Variants in SATL1 observed in about 807,000 individuals in gnomAD.
SATL1 encodes the protein spermidine/spermine N(1)-acetyltransferase-like protein 1.
SATL1 carries 47 observed loss-of-function variants against 51.8 expected under a neutral mutation model. That is an observed-to-expected ratio of 0.91 (90% CI 0.72 to 1.16). SATL1 has a LOEUF of 1.16. Among genes scored for constraint, SATL1 ranks in the 50% most tolerant of loss-of-function variants. The probability of loss-of-function intolerance (pLI) is 0.00; values close to 1 mark genes in which losing one functional copy is unlikely to be tolerated. For missense variants in SATL1, 520 were observed against 526.4 expected (o/e 0.99, Z 0.12); for synonymous variants, 176 against 182.4 (o/e 0.97, Z 0.28).
chrX:85,233,566 T>C (rs780354335), intron 1 of SATL1, among the ~76,000 whole-genome samples: 33 of 111,748 alleles, frequency 3.0e-4, no homozygotes, highest in Non-Finnish European at 5.6e-4. Context: ...TGGAATCCTA[T>C]CAGATAAATT....
At chrX:85,130,525 A>G (rs55905688) in intron 2 of SATL1, among the ~76,000 whole-genome samples, 11,975 of 107,260 alleles carry the variant, frequency 0.11, 557 homozygotes, top group South Asian at 0.22. Context: ...CATCTATTTG[A>G]TTCTTCTCCC....
intron 2 of SATL1, among the ~76,000 whole-genome samples, chrX:85,151,433 C>T (rs1166305712): frequency 1.8e-5 from 2 of 111,575 alleles, no homozygotes; most frequent in African/African-American, 6.5e-5. Flanking sequence ...ATCAACCTAC[C>T]AATGACTTTC....
At chrX:85,203,338 T>C (rs1273140871) in intron 2 of SATL1, among the ~76,000 whole-genome samples, 1 of 111,007 alleles carries the variant, frequency 9.0e-6, no homozygotes, top group Non-Finnish European at 1.9e-5. Context: ...CACGTTTTGG[T>C]AGAGCAGCCA....
At position 85,108,040 on chromosome X, in the gene SATL1, T is replaced by A. The variant is rs201802602; in HGVS notation, c.929A>T (p.Asp310Val). 184 of 1,208,626 alleles carry A rather than the reference T, an allele frequency of 1.5e-4. No individual in the cohort carries two copies. The highest frequency in any genetic ancestry group is 4.8e-4 in the Admixed American group (22 of 45,621). Residue 310 changes from aspartate to valine, a missense_variant, in exon 3 of 8, where the codon GAC (aspartate) becomes GTC (valine). Transcript: ENST00000644105. Reference sequence around the variant, plus strand: ...TTGTTTCATGCCAGGTTGGTTTATGTCTGGTAGGTTTGTACCTGATTGCCT... The same window carrying A: ...TTGTTTCATGCCAGGTTGGTTTATGACTGGTAGGTTTGTACCTGATTGCCT... ...GMRQSGTNLP[D>V]INQPGMKQPG... is the part of the protein sequence containing the mutation.
intron 2 of SATL1, among the ~76,000 whole-genome samples, chrX:85,155,757 G>A (rs1427153364): frequency 1.8e-5 from 2 of 111,300 alleles, no homozygotes; most frequent in East Asian, 5.7e-4. Context: ...TCAATTCCCT[G>A]CCCCATAAAT....
chrX:85,189,448 G>A (rs1342999876), intron 2 of SATL1, among the ~76,000 whole-genome samples: 2 of 112,055 alleles, frequency 1.8e-5, no homozygotes, highest in Admixed American at 9.5e-5. Flanking sequence ...TTGTAAAGTG[G>A]TGAATTCTGG....
Position 85,103,921 on chromosome X carries a change from A to G in SATL1, c.1642-6T>C. The stretch of plus-strand genomic sequence containing the variant: ...TTTTCACAGGCAGCCAATTCCTGTC[A>G]AAGTAGATAAAACCTTCAGTTTATG... On this transcript the variant is annotated splice_region_variant and splice_polypyrimidine_tract_variant and intron_variant, in intron 3 of 7. Coordinates refer to ENST00000644105, the MANE Select transcript of SATL1 (RefSeq NM_001367857.2). 1.7e-6 allele frequency: 2 copies of G among 1,151,149 alleles called. No homozygotes were observed. The highest frequency in any genetic ancestry group is 2.4e-6 in the Non-Finnish European group (2 of 842,264). 94.9% of individuals were successfully genotyped at this position (1,151,149 alleles called of 1,213,427 possible). A position where few individuals can be genotyped will look rare whatever the true frequency, so the allele number is the denominator to read the frequency against.
At chrX:85,230,576 C>T (rs1351805761) in intron 1 of SATL1, among the ~76,000 whole-genome samples, 1 of 111,869 alleles carries the variant, frequency 8.9e-6, no homozygotes, top group Non-Finnish European at 1.9e-5. Context: ...GGGACTACAT[C>T]AAACTAAAAA....
intron 2 of SATL1, among the ~76,000 whole-genome samples, chrX:85,140,378 A>G (rs1386626414): frequency 4.5e-5 from 5 of 112,035 alleles, no homozygotes; most frequent in Non-Finnish European, 9.4e-5. Context: ...GGGTGGTATT[A>G]TATTTTAATT....
chrX:85,228,613 A>G (rs773942127), intron 1 of SATL1, among the ~76,000 whole-genome samples: 1 of 111,201 alleles, frequency 9.0e-6, no homozygotes, highest in East Asian at 2.8e-4. Flanking sequence ...AAGGTCACCA[A>G]TGACCTCAAT....
chrX:85,143,800 G>A (rs1569235643), intron 2 of SATL1, among the ~76,000 whole-genome samples: 1 of 111,179 alleles, frequency 9.0e-6, no homozygotes, highest in Non-Finnish European at 1.9e-5. Flanking sequence ...TTTTACTTGT[G>A]TCAATATTAG....
chrX:85,226,842 G>T (rs191862271), intron 1 of SATL1, among the ~76,000 whole-genome samples: 1 of 110,435 alleles, frequency 9.1e-6, no homozygotes, highest in East Asian at 2.9e-4. Context: ...ACTCCTTTTA[G>T]CACCCTGGCT....
rs184047867 is a variant in SATL1, at chrX:85,174,531, C to T, written c.-313+49674G>A. Among the ~76,000 whole-genome samples the T allele has an allele frequency of 4.2e-4, 46 of 110,605 alleles. No individual in the cohort carries two copies. In the East Asian group the frequency reaches 0.011, roughly 28 times the overall value. On this transcript the variant is annotated intron_variant, in intron 2 of 7. Transcript: ENST00000644105. ...AGAGATGGAGTTTCACCATATTGAT[C>T]AGGCTGGTCTCAAACTCCTGACCTC...
intron 2 of SATL1, among the ~76,000 whole-genome samples, chrX:85,183,451 C>G: frequency 9.0e-6 from 1 of 110,505 alleles, no homozygotes; most frequent in East Asian, 2.8e-4. Context: ...TATACTTGTA[C>G]TATGCTCTTC....
At chrX:85,227,291 C>T (rs1169558408) in intron 1 of SATL1, among the ~76,000 whole-genome samples, 2 of 111,622 alleles carry the variant, frequency 1.8e-5, no homozygotes, top group Non-Finnish European at 3.8e-5. Context: ...CTACCTGATA[C>T]CCTTACTTAC....
intron 3 of SATL1, among the ~76,000 whole-genome samples, chrX:85,106,358 A>G (rs576815136): frequency 8.9e-6 from 1 of 111,949 alleles, no homozygotes; most frequent in East Asian, 2.8e-4. Flanking sequence ...TCACTTCAAC[A>G]GGTGGATTTC....
At chrX:85,196,768 A>G (rs982050011) in intron 2 of SATL1, among the ~76,000 whole-genome samples, 1 of 111,765 alleles carries the variant, frequency 8.9e-6, no homozygotes, top group African/African-American at 3.2e-5. Context: ...CAAAAAAATC[A>G]TCCTGGGACA....
intron 2 of SATL1, among the ~76,000 whole-genome samples, chrX:85,126,155 C>T (rs1925620377): frequency 9.0e-6 from 1 of 110,888 alleles, no homozygotes; most frequent in Non-Finnish European, 1.9e-5. Context: ...CAATCTGCTT[C>T]CAAAGGAGCC....
At chrX:85,196,400 T>C (rs1169204810) in intron 2 of SATL1, among the ~76,000 whole-genome samples, 1 of 111,753 alleles carries the variant, frequency 8.9e-6, no homozygotes, top group Non-Finnish European at 1.9e-5. Context: ...CAAATTGACA[T>C]ACAGATACAA....
Sources: gnomAD v4.1 joint callset for allele counts (sites outside exome capture counted in the v4.1 genomes callset) on GRCh38, gnomAD v4.1.1 for gene constraint, MANE v1.5 for transcripts, NCBI Gene and HGNC (gene_info 2026-07-23, HGNC 2026-07-21) for gene names.